The following ATG13 variants were observed in gnomAD, a reference collection of about 807,000 sequenced individuals.
ATG13 encodes the protein autophagy related 13.
A neutral mutation model predicts 65.5 loss-of-function variants in ATG13; 23 were observed. The ratio of observed to expected loss-of-function variants is 0.35; its 90% CI spans 0.25 to 0.50. ATG13 has a LOEUF of 0.50. Among genes scored for constraint, ATG13 ranks in the 20% least tolerant of loss-of-function variants. The pLI is 0.98. For missense variants in ATG13, 566 were observed against 677.0 expected, an observed-to-expected ratio of 0.84 and a Z score of 1.82; for synonymous variants, 252 against 245.2, an observed-to-expected ratio of 1.03 and a Z score of -0.26.
chr11:46,657,263 G>C (rs2060228539), intron 9 of ATG13, 72 bp downstream of exon 9: 1 of 1,365,110 alleles, frequency 7.3e-7, no homozygotes, highest in Non-Finnish European at 1.0e-6. Context: ...TAAACTTTAA[G>C]ACTAAACCTA....
At chr11:46,663,958 T>C in intron 11 of ATG13, 39 bp from the exon 12 acceptor site, 1 of 1,213,186 alleles carries the variant, frequency 8.2e-7, no homozygotes, top group South Asian at 1.6e-5. Flanking sequence ...TTTTTTTTTT[T>C]TTTTTGTTTC....
chr11:46,649,084 C>A, intron 5 of ATG13, 53 bp from the exon 6 acceptor site: 1 of 1,509,886 alleles, frequency 6.6e-7, no homozygotes. Flanking sequence ...GACTGTAATG[C>A]TTTGAAATTA....
chr11:46,626,315 A>C (rs754499535), intron 1 of ATG13, among the ~76,000 whole-genome samples: 41 of 151,726 alleles, frequency 2.7e-4, no homozygotes, highest in Non-Finnish European at 2.9e-4. Flanking sequence ...CAGTGGCACA[A>C]CCTCAGCTCA....
At chr11:46,634,497 A>G (rs1447743275) in intron 2 of ATG13, among the ~76,000 whole-genome samples, 1 of 138,956 alleles carries the variant, frequency 7.2e-6, no homozygotes, top group Non-Finnish European at 1.5e-5. Flanking sequence ...TCCCGGGTTC[A>G]AGCAGTCCTG....
chr11:46,664,824 T>A (rs1330160434), intron 12 of ATG13, 25 bp from the exon 13 acceptor site: 1 of 1,596,378 alleles, frequency 6.3e-7, no homozygotes, highest in East Asian at 2.2e-5. Context: ...TTTCCTTTTC[T>A]CCTCTTTGTT....
chr11:46,650,114 T>A, intron 6 of ATG13, 63 bp from the exon 7 acceptor site: 1 of 1,553,664 alleles, frequency 6.4e-7, no homozygotes, highest in Non-Finnish European at 8.8e-7. Flanking sequence ...TAATAATAAA[T>A]TTGGTCTTGT....
At chr11:46,619,099 C>T (rs979354661) in intron 1 of ATG13, among the ~76,000 whole-genome samples, 1 of 152,104 alleles carries the variant, frequency 6.6e-6, no homozygotes, top group Admixed American at 6.6e-5. Context: ...CGTCATTTTT[C>T]CTGCATGTGC....
intron 2 of ATG13, among the ~76,000 whole-genome samples, chr11:46,632,027 A>G (rs1280287496): frequency 6.6e-6 from 1 of 152,238 alleles, no homozygotes; most frequent in Non-Finnish European, 1.5e-5. Context: ...TTAAAGTCCA[A>G]TAAATAGTTT....
chr11:46,634,287 A>G (rs1484524133), intron 2 of ATG13, among the ~76,000 whole-genome samples: 5 of 151,356 alleles, frequency 3.3e-5, no homozygotes, highest in Non-Finnish European at 7.4e-5. Flanking sequence ...TTTAATAGAG[A>G]CGGGGTTTCA....
At chr11:46,659,715 C>A (rs912629125) in intron 11 of ATG13, 3 of 392,714 alleles carry the variant, frequency 7.6e-6, no homozygotes, top group Admixed American at 4.2e-5. Context: ...CTGGTGACAT[C>A]TTAAAATTCC....
At chr11:46,629,006 G>C (rs561554653) in intron 1 of ATG13, among the ~76,000 whole-genome samples, 3 of 150,360 alleles carry the variant, frequency 2.0e-5, no homozygotes, top group Non-Finnish European at 4.4e-5. Context: ...GCAGTGGCGC[G>C]ATCTTGGCTC....
In ATG13 at chr11:46,618,521, G is replaced by GA. The variant is rs541007644; in HGVS notation, c.-70+637dup. The GA allele has an allele frequency of 9.2e-5, 14 of 152,088 alleles. No homozygotes were observed. The South Asian group carries it at 2.7e-3, about 29-fold the overall frequency. 9.4% of individuals were successfully genotyped at this position (152,088 alleles called of 1,614,324 possible). A position where few individuals can be genotyped will look rare whatever the true frequency, so the allele number is the denominator to read the frequency against. On this transcript the variant is annotated intron_variant, in intron 1 of 18. Transcript: ENST00000683050. Reference sequence around the variant, plus strand: ...TCTCTGGCCACCCCGCAGCCAAAAAGAAAAAAGAGATTTTAAAAAATTACC... The same window carrying GA: ...TCTCTGGCCACCCCGCAGCCAAAAAGAAAAAAAGAGATTTTAAAAAATTACC...
intron 1 of ATG13, among the ~76,000 whole-genome samples, chr11:46,624,224 G>C (rs575357318): frequency 6.6e-6 from 1 of 151,966 alleles, no homozygotes; most frequent in Non-Finnish European, 1.5e-5. Flanking sequence ...GGCTGGTCTC[G>C]AACTCTTGAC....
At position 46,657,452 on chromosome 11, in the gene ATG13, G is replaced by A. The variant is rs1414255872; in HGVS notation, c.597-72G>A. 26 of 1,397,538 alleles carry A rather than the reference G, an allele frequency of 1.9e-5. No homozygotes were observed. The East Asian group carries it at 5.9e-4, about 32-fold the overall frequency. 86.6% of individuals were successfully genotyped at this position (1,397,538 alleles called of 1,614,324 possible). ...GCCTGCCAACAGATGTAAGGTGAGGGGCCCTCTGAGGACTTTGTGGGGGCT... is the reference window on the plus strand; with the variant it reads ...GCCTGCCAACAGATGTAAGGTGAGGAGCCCTCTGAGGACTTTGTGGGGGCT... On this transcript the variant is annotated intron_variant, in intron 9 of 18. Coordinates refer to ENST00000683050, the MANE Select transcript of ATG13 (RefSeq NM_001346311.2).
rs765481926 is a variant in ATG13, at chr11:46,665,525, T to TTC, written c.1136+7_1136+8dup. 5 of 1,613,650 alleles carry TTC rather than the reference T, an allele frequency of 3.1e-6. No individual in the cohort carries two copies. In the African/African-American group the frequency reaches 6.7e-5, roughly 22 times the overall value. On this transcript the variant is annotated splice_region_variant and intron_variant, in intron 14 of 18. Coordinates refer to ENST00000683050, the MANE Select transcript of ATG13 (RefSeq NM_001346311.2). ...GCTGCCACACCCTCCAGTAGGTGAG[T>TTC]TCACATTTTGGCTCTGTCTCTGGTA...
intron 11 of ATG13, among the ~76,000 whole-genome samples, 159 bp from the exon 12 acceptor site, chr11:46,663,838 C>G (rs2061678882): frequency 6.6e-6 from 1 of 152,192 alleles, no homozygotes; most frequent in South Asian, 2.1e-4. Flanking sequence ...TTTGGAAAGA[C>G]AGCCCCACGC....
chr11:46,665,797 C>CTCCT (rs1359597606), intron 14 of ATG13, among the ~76,000 whole-genome samples: 50 of 87,774 alleles, frequency 5.7e-4, no homozygotes, highest in African/African-American at 2.4e-3. Context: ...TTTATTTTTC[C>CTCCT]TTTTTTTTTT....
intron 6 of ATG13, among the ~76,000 whole-genome samples, chr11:46,649,916 A>G (rs2058557520): frequency 6.6e-6 from 1 of 152,004 alleles, no homozygotes; most frequent in African/African-American, 2.4e-5. Flanking sequence ...ATTTATTTAT[A>G]TGTTTTCAGA....
intron 3 of ATG13, among the ~76,000 whole-genome samples, chr11:46,644,821 A>T (rs1265734728): frequency 6.6e-6 from 1 of 152,204 alleles, no homozygotes; most frequent in Non-Finnish European, 1.5e-5. Context: ...CCTAAATCTA[A>T]AAATCATTTC....
Sources: allele counts gnomAD v4.1 joint callset (sites outside exome capture counted in the v4.1 genomes callset), GRCh38; gene constraint gnomAD v4.1.1; transcripts MANE v1.5; gene names NCBI Gene and HGNC (gene_info 2026-07-23, HGNC 2026-07-21).